RNF19A: variants seen among roughly 807,000 people sequenced by gnomAD.
RNF19A encodes the protein ring finger protein 19A, RBR E3 ubiquitin protein ligase, also known as E3 ubiquitin-protein ligase RNF19A.
RNF19A carries 32 observed loss-of-function variants against 75.7 expected under a neutral mutation model. The observed-to-expected ratio is 0.42, with a 90% CI of 0.32 to 0.57. The LOEUF is 0.57. Ranked by LOEUF, RNF19A falls within the 20% of genes least tolerant of loss-of-function variation. The pLI is 0.10. For synonymous variants in RNF19A, 335 were observed against 345.2 expected (o/e 0.97, Z 0.33); for missense variants, 782 against 1,036.3 (o/e 0.75, Z 3.37).
rs2129704301 is a variant in RNF19A at position 100,274,994 on chromosome 8, C to T, written c.842G>A (p.Arg281His). ...TTGACTATAACTAATGGATGAAGAA[C>T]GTATAGTTCTCAAACGTAAGCTCTG... ...RAQSLRLRTI[R>H]SSSISYSQES... The change falls in exon 3 of 10, where the codon CGT (arginine) becomes CAT (histidine). Residue 281 changes from arginine to histidine, a missense_variant. By Grantham distance (29) the Arg-to-His change is conservative. This residue lies in a region of RNF19A where 34 missense variants were observed against 25.2 expected (regional missense o/e 1.35). Transcript: ENST00000341084. 5 of 1,614,058 alleles carry T rather than the reference C, an allele frequency of 3.1e-6. No individual in the cohort carries two copies. The highest frequency in any genetic ancestry group is 1.7e-4 in the Middle Eastern group (1 of 6,058).
Position 100,258,879 on chromosome 8 carries a change from T to C in RNF19A, c.2194A>G (p.Ser732Gly), listed in dbSNP as rs745858831. 2 of 1,614,170 alleles carry C rather than the reference T, an allele frequency of 1.2e-6. No homozygotes were observed. The highest frequency in any genetic ancestry group is 3.3e-5 in the Admixed American group (2 of 60,016). The change falls in exon 10 of 10, where the codon AGT becomes GGT. Residue 732 changes from serine to glycine, a missense_variant. This residue lies in a region of RNF19A where 442 missense variants were observed against 541.6 expected (regional missense o/e 0.82). Transcript: ENST00000341084. The surrounding 1 kb of genome is among the most constrained non-coding windows in gnomAD (Gnocchi z 4.3). ...TTCATGCTTTCTAGGTCAGAACAAC[T>C]AAATTCAGAAAAATGACTAGAGTGA... The part of the protein sequence containing the change: ...DSHSSHFSEF[S>G]CSDLESMKTS...
intron 1 of RNF19A, among the ~76,000 whole-genome samples, chr8:100,293,872 C>T (rs1364728398): frequency 6.6e-6 from 1 of 152,156 alleles, no homozygotes; most frequent in Non-Finnish European, 1.5e-5. Context: ...CTGCCATCTC[C>T]AATCTGCTGT....
chr8:100,309,792 T>C, intron 1 of RNF19A, 75 bp downstream of exon 1: 1 of 985,510 alleles, frequency 1.0e-6, no homozygotes, highest in Non-Finnish European at 1.2e-6. Flanking sequence ...CGGCCAGAGC[T>C]CCCTGGGTCG....
chr8:100,286,928 G>A (rs965802302), intron 2 of RNF19A, among the ~76,000 whole-genome samples: 6 of 152,036 alleles, frequency 3.9e-5, no homozygotes, highest in Non-Finnish European at 8.8e-5. Flanking sequence ...TTTAAATGTT[G>A]AGAATATGGT....
chr8:100,308,565 G>A (rs1822153959), intron 1 of RNF19A, among the ~76,000 whole-genome samples: 1 of 151,982 alleles, frequency 6.6e-6, no homozygotes, highest in Admixed American at 6.6e-5. Flanking sequence ...GTATTAAGAC[G>A]GGTAATGGCA....
intron 1 of RNF19A, chr8:100,309,541 G>A (rs1182538252): frequency 2.0e-6 from 2 of 984,710 alleles, no homozygotes; most frequent in African/African-American, 3.5e-5. Flanking sequence ...TCGCCGGGCC[G>A]GCCGCCGGCC....
rs1366097627 is a variant in RNF19A, at chr8:100,269,142, TTTATA to T, written c.1029-200_1029-196del. ...TTAACAAGATATTGATATATCTTAT[TTTATA>T]TTATATTTTATTATTTAATCTATAT... On this transcript the variant is annotated intron_variant, in intron 4 of 9. Coordinates refer to ENST00000341084, the MANE Select transcript of RNF19A (RefSeq NM_183419.4). The surrounding 1 kb of genome is among the most constrained non-coding windows in gnomAD (Gnocchi z 5.7). 7.3e-5 allele frequency among the ~76,000 whole-genome samples: 11 copies of T among 150,294 alleles called. No homozygotes were observed. Among genetic ancestry groups the T allele is most frequent in the Non-Finnish European group, 3.0e-5 (2 of 67,610 alleles).
rs1258231101 is a variant in RNF19A at position 100,264,044 on chromosome 8, G to T, written c.1458C>A (p.Asn486Lys). ...GCTTAAAGGACTTACCTACAGCTGTGTTAGTTCCACCAACATTTATATCAT... is the reference window on the plus strand; with the variant it reads ...GCTTAAAGGACTTACCTACAGCTGTTTTAGTTCCACCAACATTTATATCAT... The part of the protein sequence containing the change: ...DENDINVGGT[N>K]TAVDTTSVAE... Residue 486 changes from asparagine (N) to lysine (K), a missense_variant, in exon 7 of 10, where the codon AAC (asparagine) becomes AAA (lysine). Asn to Lys is a moderately conservative substitution (Grantham distance 94). Around this residue, in one of 7 missense-constraint regions of RNF19A, gnomAD observed 442 missense variants for 541.6 expected, o/e 0.82. Transcript: ENST00000341084. The surrounding 1 kb of genome is among the most constrained non-coding windows in gnomAD (Gnocchi z 4.7). The T allele has an allele frequency of 6.2e-7, 1 of 1,613,194 alleles. No homozygotes were observed. Among genetic ancestry groups the T allele is most frequent in the African/African-American group, 1.3e-5 (1 of 74,860 alleles).
chr8:100,330,720 C>T lies in RNF19A; in HGVS notation c.-243+5388G>A, dbSNP rs530440781. Among the ~76,000 whole-genome samples the T allele has an allele frequency of 1.3e-5, 2 of 152,240 alleles. No homozygotes were observed. The highest frequency in any genetic ancestry group is 2.9e-5 in the Non-Finnish European group (2 of 68,044). ...ACCTGTTTTATTTAGCTCTCCATCT[C>T]TTGAAGCCAAAGTAGTCTGAACAAT... is the stretch of plus-strand genomic sequence containing the variant. On this transcript the variant is annotated intron_variant, in intron 1 of 3. Coordinates refer to the RNF19A transcript ENST00000519527. This position sits in a 1 kb window ranked among gnomAD's most constrained non-coding sequence, Gnocchi z 4.1.
chr8:100,269,046 A>G lies in RNF19A; in HGVS notation c.1029-99T>C. The G allele has an allele frequency of 2.2e-6, 2 of 893,666 alleles. No individual in the cohort carries two copies. Among genetic ancestry groups the G allele is most frequent in the Admixed American group, 3.2e-5 (1 of 31,574 alleles). The allele number at this position is 893,666 out of a possible 1,614,324, so 55.4% of individuals were successfully genotyped here. A position where few individuals can be genotyped will look rare whatever the true frequency, so the allele number is the denominator to read the frequency against. ...CAATGACTATTTTTAAAAACTTCTCATAGTTAGGAGCTTTTTTCCCCTTTA... is the reference window on the plus strand; with the variant it reads ...CAATGACTATTTTTAAAAACTTCTCGTAGTTAGGAGCTTTTTTCCCCTTTA... On this transcript the variant is annotated intron_variant, in intron 4 of 9. Coordinates refer to ENST00000341084, the MANE Select transcript of RNF19A (RefSeq NM_183419.4). The surrounding 1 kb of genome is among the most constrained non-coding windows in gnomAD (Gnocchi z 5.7).
chr8:100,305,237 G>T (rs117100230), intron 1 of RNF19A, among the ~76,000 whole-genome samples: 47 of 152,178 alleles, frequency 3.1e-4, no homozygotes, highest in African/African-American at 1.1e-3. Context: ...AGACAGTAAC[G>T]CGCAAAGTCA....
chr8:100,277,512 C>T (rs1205607161), intron 2 of RNF19A, among the ~76,000 whole-genome samples: 1 of 152,152 alleles, frequency 6.6e-6, no homozygotes, highest in Non-Finnish European at 1.5e-5. Flanking sequence ...CGGGGTTTCA[C>T]CGTGTTAGCC....
chr8:100,261,754 G>C lies in RNF19A; in HGVS notation c.1470C>G (p.Asp490Glu), dbSNP rs750785361. 1 of 1,613,762 alleles carries C rather than the reference G, an allele frequency of 6.2e-7. No homozygotes were observed. Among genetic ancestry groups the C allele is most frequent in the Non-Finnish European group, 8.5e-7 (1 of 1,179,744 alleles). Reference protein sequence around the residue: ...INVGGTNTAVDTTSVAEARHN... With the variant: ...INVGGTNTAVETTSVAEARHN... ...GTCTTGCTTCTGCTACTGATGTTGT[G>C]TCTAAATGCAAATATTCCAAAGAAA... Residue 490 changes from aspartate (D) to glutamate (E), a missense_variant and splice_region_variant, in exon 8 of 10, where the codon GAC (aspartate) becomes GAG (glutamate). Asp to Glu is a conservative substitution (Grantham distance 45, BLOSUM62 2). Coordinates refer to ENST00000341084, the MANE Select transcript of RNF19A (RefSeq NM_183419.4). The surrounding 1 kb of genome is among the most constrained non-coding windows in gnomAD (Gnocchi z 4.4).
At position 100,309,847 on chromosome 8, in the gene RNF19A, C is replaced by G; in HGVS notation, c.-94+20G>C. 1 of 985,600 alleles carries G rather than the reference C, an allele frequency of 1.0e-6. No individual in the cohort carries two copies. The highest frequency in any genetic ancestry group is 1.2e-6 in the Non-Finnish European group (1 of 830,046). The allele number at this position is 985,600 out of a possible 1,614,324, so 61.1% of individuals were successfully genotyped here. ...CTCTCCCGCTCCGGGGCGCAAGCTC[C>G]TCCGGGTGCCCGCCCGTACCTTTAA... On this transcript the variant is annotated intron_variant, in intron 1 of 9. Transcript: ENST00000341084.
At chr8:100,262,568 C>T (rs1819770915) in intron 7 of RNF19A, among the ~76,000 whole-genome samples, 1 of 152,060 alleles carries the variant, frequency 6.6e-6, no homozygotes, top group Non-Finnish European at 1.5e-5. Context: ...ATAGTTGGGG[C>T]AGATCATGTG....
chr8:100,317,599 T>A lies in RNF19A; in HGVS notation c.-242-4227A>T, dbSNP rs1443846171. On this transcript the variant is annotated intron_variant, in intron 1 of 3. Transcript: ENST00000519527. The surrounding 1 kb of genome is among the most constrained non-coding windows in gnomAD (Gnocchi z 4.3). Reference sequence around the variant, plus strand: ...CCTACTCCAGTCTTTCTTGGTTCCCTTCCCTGTTTGACTGACTCACAGGCA... The same window carrying A: ...CCTACTCCAGTCTTTCTTGGTTCCCATCCCTGTTTGACTGACTCACAGGCA... Among the ~76,000 whole-genome samples the A allele has an allele frequency of 6.6e-6, 1 of 152,208 alleles. No homozygotes were observed. The highest frequency in any genetic ancestry group is 2.4e-5 in the African/African-American group (1 of 41,452).
At chr8:100,299,909 T>G (rs1821747130) in intron 1 of RNF19A, among the ~76,000 whole-genome samples, 1 of 152,294 alleles carries the variant, frequency 6.6e-6, no homozygotes, top group East Asian at 1.9e-4. Flanking sequence ...CTCTTTCTCC[T>G]AAAGGACACC....
intron 1 of RNF19A, among the ~76,000 whole-genome samples, chr8:100,293,180 C>T (rs558680967): frequency 3.0e-4 from 46 of 152,334 alleles, no homozygotes; most frequent in African/African-American, 1.1e-3. Flanking sequence ...ACAGGCCACA[C>T]ACTGTGGCCC....
Position 100,275,277 on chromosome 8 carries a change from AAC to A in RNF19A, c.675-118_675-117del. 1 of 799,834 alleles carries A rather than the reference AAC, an allele frequency of 1.3e-6. No individual in the cohort carries two copies. Among genetic ancestry groups the A allele is most frequent in the South Asian group, 1.7e-5 (1 of 57,986 alleles). 49.5% of individuals were successfully genotyped at this position (799,834 alleles called of 1,614,324 possible). On this transcript the variant is annotated intron_variant, in intron 2 of 9. Coordinates refer to ENST00000341084, the MANE Select transcript of RNF19A (RefSeq NM_183419.4). The surrounding 1 kb of genome is among the most constrained non-coding windows in gnomAD (Gnocchi z 4.3). ...AACATTTTCTATTTATACATTAGCA[AAC>A]AGTCATAAGCACAATCTCACCAATA...
Sources: gnomAD v4.1 joint callset for allele counts (sites outside exome capture counted in the v4.1 genomes callset) on GRCh38, gnomAD v4.1.1 for gene constraint, gnomAD v4.1.1 regional missense constraint, Gnocchi (gnomAD v3.1) non-coding constraint, MANE v1.5 for transcripts, NCBI Gene and HGNC (gene_info 2026-07-23, HGNC 2026-07-21) for gene names.